SLC9C2: variants seen among roughly 807,000 people sequenced by gnomAD.
SLC9C2 encodes the protein solute carrier family 9 member C2 (putative).
A neutral mutation model predicts 140.2 loss-of-function variants in SLC9C2; 75 were observed. The ratio of observed to expected loss-of-function variants is 0.53; its 90% confidence interval spans 0.44 to 0.65. SLC9C2 has a LOEUF of 0.65. SLC9C2 is among the 30% of genes least tolerant of loss of function. The pLI, the probability that SLC9C2 is intolerant of heterozygous loss-of-function variation, is 0.00. For missense variants in SLC9C2, 1,074 were observed against 1,331.8 expected, an observed-to-expected ratio of 0.81 and a Z score of 3.01; for synonymous variants, 375 against 420.9, an observed-to-expected ratio of 0.89 and a Z score of 1.34.
intron 16 of SLC9C2, 38 bp from the exon 17 acceptor site, chr1:173,533,835 C>G (rs1330173845): frequency 1.3e-6 from 2 of 1,534,626 alleles, no homozygotes; most frequent in Non-Finnish European, 1.7e-6. Flanking sequence ...AGCACCTATA[C>G]AGTAATGTTG....
chr1:173,520,259 G>C (rs995798209), intron 22 of SLC9C2, among the ~76,000 whole-genome samples: 1 of 152,148 alleles, frequency 6.6e-6, no homozygotes, highest in African/African-American at 2.4e-5. Flanking sequence ...GTAGAGACAG[G>C]GTTTTGCCAT....
At chr1:173,550,096 T>A (rs1663150795) in intron 11 of SLC9C2, among the ~76,000 whole-genome samples, 1 of 152,218 alleles carries the variant, frequency 6.6e-6, no homozygotes, top group African/African-American at 2.4e-5. Flanking sequence ...GCACACCTTT[T>A]CACTGCAAAC....
chr1:173,585,883 G>T (rs553165511), intron 5 of SLC9C2, among the ~76,000 whole-genome samples: 62 of 152,106 alleles, frequency 4.1e-4, no homozygotes, highest in African/African-American at 1.4e-3. Flanking sequence ...CAGGAGAATC[G>T]CTTAAACCCA....
At chr1:173,508,677 C>T (rs1335527695) in intron 24 of SLC9C2, among the ~76,000 whole-genome samples, 1 of 152,220 alleles carries the variant, frequency 6.6e-6, no homozygotes, top group Non-Finnish European at 1.5e-5. Context: ...CCCAGTCGCT[C>T]AGTTCAGTGA....
chr1:173,519,122 C>T (rs1432802333), intron 22 of SLC9C2, among the ~76,000 whole-genome samples: 2 of 151,944 alleles, frequency 1.3e-5, no homozygotes, highest in East Asian at 1.9e-4. Context: ...GGGAATATTG[C>T]GGGGACTGTA....
chr1:173,506,539 C>T (rs1007964954), intron 25 of SLC9C2, among the ~76,000 whole-genome samples: 3 of 152,216 alleles, frequency 2.0e-5, no homozygotes, highest in Non-Finnish European at 4.4e-5. Context: ...AACACGGCAT[C>T]GTTGCCTTGG....
intron 9 of SLC9C2, among the ~76,000 whole-genome samples, chr1:173,569,334 G>A (rs1481265959): frequency 2.0e-5 from 3 of 151,712 alleles, no homozygotes; most frequent in African/African-American, 7.3e-5. Context: ...CTGCTTGATT[G>A]GTGCTTCATT....
chr1:173,589,420 C>T (rs916538534), intron 4 of SLC9C2, among the ~76,000 whole-genome samples: 1 of 151,974 alleles, frequency 6.6e-6, no homozygotes, highest in African/African-American at 2.4e-5. Flanking sequence ...ATTAGCCAGG[C>T]ATGGTGGCAT....
chr1:173,556,118 G>T (rs1450073969), intron 10 of SLC9C2, among the ~76,000 whole-genome samples: 1 of 152,178 alleles, frequency 6.6e-6, no homozygotes, highest in Non-Finnish European at 1.5e-5. Flanking sequence ...TATCATTCAA[G>T]CGGTTTTCCC....
rs200932953 is a variant in SLC9C2, at chr1:173,521,434, G to C, written c.2641-35C>G. ...AAAAAAAAAAACGAAAAGAAAAAGA[G>C]AGTCAACACAAAAGCTTCCTAGTCT... On this transcript the variant is annotated intron_variant, in intron 21 of 27. Transcript: ENST00000367714. 3.9e-4 allele frequency: 452 copies of C among 1,147,054 alleles called. 3 individuals are homozygous for C. The East Asian group carries it at 0.012, about 31-fold the overall frequency. 71.1% of individuals were successfully genotyped at this position (1,147,054 alleles called of 1,614,324 possible).
chr1:173,533,833 T>A (rs750590593), intron 16 of SLC9C2, 36 bp from the exon 17 acceptor site: 1 of 1,536,180 alleles, frequency 6.5e-7, no homozygotes, highest in Non-Finnish European at 8.7e-7. Context: ...ATAGCACCTA[T>A]ACAGTAATGT....
chr1:173,581,014 C>T (rs188295039), intron 7 of SLC9C2, among the ~76,000 whole-genome samples: 44 of 152,260 alleles, frequency 2.9e-4, no homozygotes, highest in Non-Finnish European at 5.0e-4. Flanking sequence ...AGGAAATGAG[C>T]GTTCAATGAA....
chr1:173,509,560 T>G lies in SLC9C2; in HGVS notation c.3039+8A>C, dbSNP rs752744315. The G allele has an allele frequency of 2.3e-5, 35 of 1,523,760 alleles. No homozygotes were observed. Among genetic ancestry groups the G allele is most frequent in the Non-Finnish European group, 3.1e-5 (35 of 1,138,988 alleles). The allele number at this position is 1,523,760 out of a possible 1,614,324, so 94.4% of individuals were successfully genotyped here. A position where few individuals can be genotyped will look rare whatever the true frequency, so the allele number is the denominator to read the frequency against. The stretch of plus-strand genomic sequence containing the variant: ...TCAATTTATTAATATTTTAATCACA[T>G]AACTTACCTCATCAATAAGACTTGA... On this transcript the variant is annotated splice_region_variant and intron_variant, in intron 24 of 27. Coordinates refer to ENST00000367714, the MANE Select transcript of SLC9C2 (RefSeq NM_178527.4).
At chr1:173,523,842 C>A in intron 21 of SLC9C2, 127 bp downstream of exon 21, 1 of 1,267,192 alleles carries the variant, frequency 7.9e-7, no homozygotes, top group Middle Eastern at 2.2e-4. Flanking sequence ...TTTCCTGGGC[C>A]TCCATTTTGG....
intron 6 of SLC9C2, among the ~76,000 whole-genome samples, chr1:173,582,536 G>A (rs1665609130): frequency 6.6e-6 from 1 of 152,110 alleles, no homozygotes; most frequent in Non-Finnish European, 1.5e-5. Context: ...GACAAAAATT[G>A]TCCCACCCCA....
intron 11 of SLC9C2, 152 bp from the exon 12 acceptor site, chr1:173,548,704 C>T (rs1007496335): frequency 2.7e-6 from 2 of 730,510 alleles, no homozygotes; most frequent in South Asian, 1.8e-5. Flanking sequence ...CAAAACTTTC[C>T]AGAAGATTAC....
intron 4 of SLC9C2, among the ~76,000 whole-genome samples, chr1:173,592,770 T>C (rs536918301): frequency 6.6e-6 from 1 of 152,308 alleles, no homozygotes; most frequent in East Asian, 1.9e-4. Flanking sequence ...ATTATGGGGT[T>C]TTCTAGATAT....
intron 9 of SLC9C2, among the ~76,000 whole-genome samples, chr1:173,568,760 G>A (rs1176063699): frequency 1.3e-5 from 2 of 152,068 alleles, no homozygotes; most frequent in Non-Finnish European, 2.9e-5. Context: ...CAGTAAGTCT[G>A]TGTCCTGAAA....
intron 20 of SLC9C2, among the ~76,000 whole-genome samples, chr1:173,524,409 C>A (rs1661050951): frequency 6.6e-6 from 1 of 152,094 alleles, no homozygotes; most frequent in African/African-American, 2.4e-5. Flanking sequence ...AGAGGGCAAC[C>A]CTGATAGGAA....
Sources: allele counts gnomAD v4.1 joint callset (sites outside exome capture counted in the v4.1 genomes callset), GRCh38; gene constraint gnomAD v4.1.1; transcripts MANE v1.5; gene names NCBI Gene and HGNC (gene_info 2026-07-23, HGNC 2026-07-21).